THSD4: variants seen among roughly 807,000 people sequenced by gnomAD.
THSD4 encodes thrombospondin type-1 domain-containing protein 4.
In THSD4, 69 loss-of-function variants were observed where a neutral mutation model predicts 119.0. That is an observed-to-expected ratio of 0.58 (90% CI 0.48 to 0.71). The LOEUF is 0.71. Among genes scored for constraint, THSD4 ranks in the 30% least tolerant of loss-of-function variants. The pLI, the probability that THSD4 is intolerant of heterozygous loss-of-function variation, is 0.00. For missense variants in THSD4, 1,393 were observed against 1,391.1 expected, an observed-to-expected ratio of 1.00 and a Z score of -0.02; for synonymous variants, 524 against 540.4, an observed-to-expected ratio of 0.97 and a Z score of 0.42.
chr15:71,712,955 T>C (rs2052544329), intron 8 of THSD4, among the ~76,000 whole-genome samples: 2 of 152,200 alleles, frequency 1.3e-5, no homozygotes, highest in South Asian at 4.1e-4. Flanking sequence ...TTCAAGGAGG[T>C]GAAACTAATA....
At chr15:71,487,908 A>G (rs2047847616) in intron 7 of THSD4, among the ~76,000 whole-genome samples, 1 of 151,688 alleles carries the variant, frequency 6.6e-6, no homozygotes. Flanking sequence ...TGTGGTTTTA[A>G]TTTTTTTCCT....
At chr15:71,421,565 T>C (rs552884992) in intron 7 of THSD4, among the ~76,000 whole-genome samples, 3 of 152,362 alleles carry the variant, frequency 2.0e-5, no homozygotes, top group South Asian at 4.1e-4. Context: ...GTATGTTATT[T>C]ATTTCTTTTC....
At chr15:71,149,456 C>T (rs545215443) in intron 2 of THSD4, among the ~76,000 whole-genome samples, 1 of 152,030 alleles carries the variant, frequency 6.6e-6, no homozygotes, top group South Asian at 2.1e-4. Flanking sequence ...GTGTTCGAGA[C>T]CAGGCTGGTC....
intron 7 of THSD4, among the ~76,000 whole-genome samples, chr15:71,583,892 A>C (rs1027646986): frequency 1.3e-5 from 2 of 152,092 alleles, no homozygotes; most frequent in Non-Finnish European, 2.9e-5. Context: ...CTGTTGGTAG[A>C]ATGTTCTGCA....
At chr15:71,392,081 A>C (rs1157394301) in intron 6 of THSD4, among the ~76,000 whole-genome samples, 1 of 152,212 alleles carries the variant, frequency 6.6e-6, no homozygotes, top group East Asian at 1.9e-4. Flanking sequence ...GCAGCTCAGA[A>C]GGGCTCTGAC....
chr15:71,264,905 T>A (rs1274662376), intron 6 of THSD4, among the ~76,000 whole-genome samples: 3 of 152,104 alleles, frequency 2.0e-5, no homozygotes, highest in African/African-American at 7.2e-5. Context: ...GGACTAAATG[T>A]TTATGTCTGT....
At chr15:71,625,322 C>T (rs1208624551) in intron 7 of THSD4, among the ~76,000 whole-genome samples, 3 of 152,036 alleles carry the variant, frequency 2.0e-5, no homozygotes, top group Admixed American at 6.6e-5. Flanking sequence ...CCAGTGAAGA[C>T]CTTTGATAAA....
chr15:71,151,321 T>A (rs2040720577), intron 2 of THSD4, among the ~76,000 whole-genome samples: 1 of 151,984 alleles, frequency 6.6e-6, no homozygotes, highest in Admixed American at 6.5e-5. Flanking sequence ...AATATGTGGC[T>A]ACTGTGTGTG....
chr15:71,214,922 T>C, intron 3 of THSD4, 113 bp from the exon 4 acceptor site: 1 of 1,200,688 alleles, frequency 8.3e-7, no homozygotes, highest in Non-Finnish European at 1.0e-6. Flanking sequence ...ATACTTATCT[T>C]TGAAACAGAC....
At chr15:71,656,290 T>C (rs1184160072) in intron 7 of THSD4, among the ~76,000 whole-genome samples, 3 of 152,242 alleles carry the variant, frequency 2.0e-5, no homozygotes, top group African/African-American at 7.2e-5. Flanking sequence ...ATGTAAGATA[T>C]TATCGTTAGG....
chr15:71,589,245 A>C (rs189362280), intron 7 of THSD4, among the ~76,000 whole-genome samples: 2 of 88,544 alleles, frequency 2.3e-5, no homozygotes, highest in African/African-American at 3.2e-5. Context: ...GACATAGGAT[A>C]TAAGAGTAAT....
At chr15:71,641,807 A>G (rs926099489) in intron 7 of THSD4, among the ~76,000 whole-genome samples, 1 of 152,194 alleles carries the variant, frequency 6.6e-6, no homozygotes, top group African/African-American at 2.4e-5. Flanking sequence ...GAAAAGGTAC[A>G]ATGCTAAAAA....
At chr15:71,421,307 T>A in intron 7 of THSD4, among the ~76,000 whole-genome samples, 1 of 39,720 alleles carries the variant, frequency 2.5e-5, no homozygotes. Context: ...ATCATTTTCT[T>A]TCTAGTCTCT....
chr15:71,168,476 T>C (rs2043317779), intron 3 of THSD4, among the ~76,000 whole-genome samples: 1 of 152,222 alleles, frequency 6.6e-6, no homozygotes, highest in Non-Finnish European at 1.5e-5. Context: ...ATGTTTATTA[T>C]AGAGAATTTA....
At chr15:71,198,505 G>C (rs918258879) in intron 3 of THSD4, among the ~76,000 whole-genome samples, 1 of 152,140 alleles carries the variant, frequency 6.6e-6, no homozygotes, top group African/African-American at 2.4e-5. Context: ...GGACCTTCAG[G>C]GGTCACCCAT....
intron 7 of THSD4, among the ~76,000 whole-genome samples, chr15:71,504,893 C>A (rs2048165833): frequency 6.6e-6 from 1 of 152,194 alleles, no homozygotes; most frequent in Admixed American, 6.5e-5. Flanking sequence ...TCTCTTCTGG[C>A]CTGTCCTAAT....
intron 6 of THSD4, among the ~76,000 whole-genome samples, chr15:71,359,812 G>A (rs2045868291): frequency 6.6e-6 from 1 of 151,898 alleles, no homozygotes; most frequent in Admixed American, 6.6e-5. Flanking sequence ...CTCAAGCCTG[G>A]GTGACAGAGC....
intron 7 of THSD4, among the ~76,000 whole-genome samples, chr15:71,423,025 A>G (rs757684990): frequency 5.3e-5 from 8 of 152,192 alleles, no homozygotes; most frequent in South Asian, 4.1e-4. Context: ...CTCGAGGACC[A>G]ACTGGTCTGT....
At chr15:71,191,712 C>T (rs549363879) in intron 3 of THSD4, among the ~76,000 whole-genome samples, 19 of 152,182 alleles carry the variant, frequency 1.2e-4, no homozygotes, top group African/African-American at 2.6e-4. Flanking sequence ...CCCTCCTTGC[C>T]GCAGCCCACT....
Sources: allele counts gnomAD v4.1 joint callset (sites outside exome capture counted in the v4.1 genomes callset), GRCh38; gene constraint gnomAD v4.1.1; transcripts MANE v1.5; gene names NCBI Gene and HGNC (gene_info 2026-07-23, HGNC 2026-07-21).